Variants in QPRT observed in about 807,000 individuals in gnomAD.
QPRT encodes the protein quinolinate phosphoribosyltransferase.
QPRT carries 17 observed loss-of-function variants against 19.8 expected under a neutral mutation model. The ratio of observed to expected loss-of-function variants is 0.86; its 90% CI spans 0.59 to 1.29. The LOEUF (loss-of-function observed/expected upper bound fraction) is 1.29, where lower values mean the gene tolerates loss of function less well. Among genes scored for constraint, QPRT ranks in the 50% most tolerant of loss-of-function variants. The pLI, the probability that QPRT is intolerant of heterozygous loss-of-function variation, is 0.00. For missense variants in QPRT, 336 were observed against 405.1 expected, an observed-to-expected ratio of 0.83 and a Z score of 1.46; for synonymous variants, 178 against 191.0, an observed-to-expected ratio of 0.93 and a Z score of 0.56.
chr16:29,681,068 T>G (rs1469179050), intron 1 of QPRT, among the ~76,000 whole-genome samples: 5 of 152,106 alleles, frequency 3.3e-5, no homozygotes, highest in Admixed American at 1.3e-4. Context: ...CCGGTCCCTC[T>G]GGCTCCACTG....
intron 1 of QPRT, among the ~76,000 whole-genome samples, chr16:29,686,797 T>A (rs958255095): frequency 1.3e-5 from 2 of 152,216 alleles, no homozygotes; most frequent in African/African-American, 4.8e-5. Flanking sequence ...TGAGCCACTG[T>A]GCCCAGCCTC....
rs536449253 is a variant in QPRT, at chr16:29,697,031, T to C, written c.585T>C (p.Thr195=). ...VRAARQAADF[T]LKVEVECSSL... ...CGGCCAGACAGGCGGCTGACTTCAC[T>C]CTGAAGGTGGAAGTGGAATGCAGCA... Residue 195 remains threonine, a synonymous_variant, in exon 3 of 4, where the codon ACT becomes ACC. Transcript: ENST00000395384. This position sits in a 1 kb window ranked among gnomAD's most constrained non-coding sequence, Gnocchi z 4.4. The C allele has an allele frequency of 1.2e-5, 20 of 1,610,492 alleles. No individual in the cohort carries two copies. In the South Asian group the frequency reaches 2.2e-4, roughly 18 times the overall value.
At chr16:29,681,849 A>G (rs931086043) in intron 1 of QPRT, among the ~76,000 whole-genome samples, 1 of 151,576 alleles carries the variant, frequency 6.6e-6, no homozygotes, top group African/African-American at 2.4e-5. Flanking sequence ...CAGCCTCACG[A>G]GTAGCTGGGA....
At chr16:29,679,058 G>A (rs557653456), upstream of QPRT, 325 of 1,470,414 alleles carry the variant, frequency 2.2e-4, 1 homozygote, top group African/African-American at 3.9e-3. Flanking sequence ...GGACAGGAGG[G>A]AGGCTTGGGG....
At chr16:29,692,758 CAAAT>C (rs1967387747) in intron 1 of QPRT, among the ~76,000 whole-genome samples, 1 of 151,676 alleles carries the variant, frequency 6.6e-6, no homozygotes, top group East Asian at 2.0e-4. Flanking sequence ...CTCAAAAAAA[CAAAT>C]AAATAAATAA....
At chr16:29,694,424 G>T (rs919959435) in intron 1 of QPRT, among the ~76,000 whole-genome samples, 5 of 151,982 alleles carry the variant, frequency 3.3e-5, no homozygotes, top group Non-Finnish European at 7.4e-5. Context: ...CGGCCCAGAA[G>T]TTTAAATTTA....
intron 1 of QPRT, 74 bp downstream of exon 1, chr16:29,679,284 G>T: frequency 1.6e-6 from 2 of 1,218,176 alleles, no homozygotes; most frequent in Non-Finnish European, 2.4e-6. Flanking sequence ...ACCCTGGCTT[G>T]TCTCAGCCCC....
intron 1 of QPRT, among the ~76,000 whole-genome samples, chr16:29,690,362 T>C (rs1465144629): frequency 5.9e-5 from 9 of 152,190 alleles, no homozygotes; most frequent in Admixed American, 3.3e-4. Context: ...TTACATTCCT[T>C]TGGGTATATA....
At chr16:29,695,608 G>A (rs911047546) in intron 2 of QPRT, among the ~76,000 whole-genome samples, 4 of 145,234 alleles carry the variant, frequency 2.8e-5, no homozygotes, top group Non-Finnish European at 4.5e-5. Context: ...TCCTGCCTCC[G>A]CCTCCCGAGT....
intron 1 of QPRT, among the ~76,000 whole-genome samples, chr16:29,690,076 G>A (rs969351577): frequency 6.6e-6 from 1 of 152,116 alleles, no homozygotes; most frequent in Non-Finnish European, 1.5e-5. Flanking sequence ...CCCTCTATGT[G>A]TCCATGTGTT....
At chr16:29,684,467 T>C (rs1224255446) in intron 1 of QPRT, among the ~76,000 whole-genome samples, 1 of 151,994 alleles carries the variant, frequency 6.6e-6, no homozygotes, top group Non-Finnish European at 1.5e-5. Context: ...GGCTAATTTT[T>C]GTATTTTTAG....
At chr16:29,681,335 A>G (rs182174159) in intron 1 of QPRT, among the ~76,000 whole-genome samples, 3 of 152,028 alleles carry the variant, frequency 2.0e-5, no homozygotes, top group Admixed American at 2.0e-4. Context: ...TCTCGACCTG[A>G]TTCCTTCAGA....
chr16:29,679,899 C>T (rs541567428), intron 1 of QPRT, among the ~76,000 whole-genome samples: 7 of 151,240 alleles, frequency 4.6e-5, no homozygotes, highest in Non-Finnish European at 7.4e-5. Context: ...GATGTATAGC[C>T]GTGGTGGTTT....
chr16:29,686,135 C>T (rs1967154359), intron 1 of QPRT, among the ~76,000 whole-genome samples: 1 of 152,134 alleles, frequency 6.6e-6, no homozygotes. Context: ...GCTGGAATTA[C>T]AGGTGTGAGC....
At chr16:29,684,059 C>T (rs765385515) in intron 1 of QPRT, among the ~76,000 whole-genome samples, 47 of 152,322 alleles carry the variant, frequency 3.1e-4, no homozygotes, top group Non-Finnish European at 5.3e-4. Flanking sequence ...TCTTCTCCTT[C>T]CCAGGTACCC....
chr16:29,688,534 A>G (rs774734744), intron 1 of QPRT, among the ~76,000 whole-genome samples: 1 of 136,408 alleles, frequency 7.3e-6, no homozygotes, highest in Non-Finnish European at 1.5e-5. Context: ...TTATTAATTT[A>G]TTTAAGACAG....
chr16:29,689,205 C>T (rs1967253082), intron 1 of QPRT, among the ~76,000 whole-genome samples: 1 of 152,020 alleles, frequency 6.6e-6, no homozygotes, highest in Non-Finnish European at 1.5e-5. Context: ...AGAGATTCTC[C>T]TGCCTCAGCC....
At chr16:29,687,000 T>C (rs1967181584) in intron 1 of QPRT, among the ~76,000 whole-genome samples, 1 of 152,262 alleles carries the variant, frequency 6.6e-6, no homozygotes, top group Non-Finnish European at 1.5e-5. Context: ...CTCTTTCTCT[T>C]ACTTGTCAGG....
intron 1 of QPRT, among the ~76,000 whole-genome samples, chr16:29,694,367 C>T (rs182256033): frequency 5.8e-4 from 88 of 152,224 alleles, no homozygotes; most frequent in African/African-American, 2.0e-3. Flanking sequence ...GATCCGCCCG[C>T]CTCGGCCTCT....
Sources: allele counts gnomAD v4.1 joint callset (sites outside exome capture counted in the v4.1 genomes callset), GRCh38; gene constraint gnomAD v4.1.1; non-coding constraint Gnocchi (gnomAD v3.1); transcripts MANE v1.5; gene names NCBI Gene and HGNC (gene_info 2026-07-23, HGNC 2026-07-21).